MARCHF3: variants seen among roughly 807,000 people sequenced by gnomAD.
MARCHF3 encodes E3 ubiquitin-protein ligase MARCHF3.
MARCHF3 carries 13 observed loss-of-function variants against 24.2 expected under a neutral mutation model. The ratio of observed to expected loss-of-function variants is 0.54; its 90% CI spans 0.35 to 0.85. The LOEUF (loss-of-function observed/expected upper bound fraction) is 0.85. MARCHF3 is among the 40% of genes least tolerant of loss of function. MARCHF3 has a pLI of 0.01. For synonymous variants in MARCHF3, 144 were observed against 137.3 expected, an observed-to-expected ratio of 1.05 and a Z score of -0.34; for missense variants, 276 against 325.0, an observed-to-expected ratio of 0.85 and a Z score of 1.16.
intron 3 of MARCHF3, among the ~76,000 whole-genome samples, chr5:126,895,533 C>T (rs1753853369): frequency 6.6e-6 from 1 of 152,222 alleles, no homozygotes; most frequent in Middle Eastern, 3.4e-3. Context: ...TTCTGACAGA[C>T]AGGACCCTCA....
intron 1 of MARCHF3, among the ~76,000 whole-genome samples, chr5:126,968,742 T>C (rs905765977): frequency 2.6e-5 from 4 of 152,118 alleles, no homozygotes; most frequent in African/African-American, 9.7e-5. Flanking sequence ...GCCCAGCTAA[T>C]TTTTGTATTT....
chr5:126,998,850 T>C (rs140691375), intron 1 of MARCHF3, among the ~76,000 whole-genome samples: 1 of 152,240 alleles, frequency 6.6e-6, no homozygotes, highest in Admixed American at 6.5e-5. Context: ...AAAGCTCCAA[T>C]ATGTCTGTGG....
At chr5:127,008,311 C>G (rs1204266730) in intron 1 of MARCHF3, among the ~76,000 whole-genome samples, 2 of 152,072 alleles carry the variant, frequency 1.3e-5, no homozygotes, top group African/African-American at 4.8e-5. Flanking sequence ...CTGGATAATC[C>G]CCAAATTCAT....
intron 1 of MARCHF3, among the ~76,000 whole-genome samples, chr5:126,962,430 G>A (rs568802438): frequency 6.6e-6 from 1 of 151,944 alleles, no homozygotes; most frequent in South Asian, 2.1e-4. Flanking sequence ...GTGTGTGTAT[G>A]TGTGTGTGTT....
intron 1 of MARCHF3, among the ~76,000 whole-genome samples, chr5:126,976,918 T>G (rs1280527955): frequency 6.6e-6 from 1 of 152,246 alleles, no homozygotes; most frequent in Non-Finnish European, 1.5e-5. Context: ...GTTTGCTTCT[T>G]GGTCCCATCC....
chr5:126,951,640 C>T (rs1561443417), intron 1 of MARCHF3, among the ~76,000 whole-genome samples: 1 of 152,186 alleles, frequency 6.6e-6, no homozygotes, highest in African/African-American at 2.4e-5. Flanking sequence ...TGTACCCACG[C>T]TCAAATCATT....
At chr5:126,890,444 C>A in intron 3 of MARCHF3, among the ~76,000 whole-genome samples, 1 of 125,430 alleles carries the variant, frequency 8.0e-6, no homozygotes, top group East Asian at 2.8e-4. Flanking sequence ...CCCCTCCCCC[C>A]ACCCCACAAC....
At chr5:127,008,867 T>C (rs2126855880) in intron 1 of MARCHF3, among the ~76,000 whole-genome samples, 1 of 149,336 alleles carries the variant, frequency 6.7e-6, no homozygotes, top group Middle Eastern at 3.5e-3. Flanking sequence ...CAGGAGACGT[T>C]ATCTCTTTAA....
At chr5:126,949,726 G>T (rs375428787) in intron 1 of MARCHF3, among the ~76,000 whole-genome samples, 1 of 152,196 alleles carries the variant, frequency 6.6e-6, no homozygotes, top group Non-Finnish European at 1.5e-5. Flanking sequence ...GATGTTGCTA[G>T]GGAGTTGGGA....
At chr5:126,953,904 C>G (rs546159695) in intron 1 of MARCHF3, among the ~76,000 whole-genome samples, 8 of 152,106 alleles carry the variant, frequency 5.3e-5, no homozygotes, top group Admixed American at 5.2e-4. Flanking sequence ...TTTATCTTTT[C>G]GTTCAATGGT....
intron 1 of MARCHF3, among the ~76,000 whole-genome samples, chr5:126,974,844 T>G (rs1024210682): frequency 4.6e-5 from 7 of 152,264 alleles, no homozygotes; most frequent in African/African-American, 1.7e-4. Context: ...ATTTTATCTG[T>G]GACTTAAAAG....
chr5:126,964,933 AT>A (rs1447482059), intron 1 of MARCHF3, among the ~76,000 whole-genome samples: 6 of 151,852 alleles, frequency 4.0e-5, no homozygotes, highest in Non-Finnish European at 8.8e-5. Context: ...GGAGGAGGGA[AT>A]AACTTTGAGA....
intron 1 of MARCHF3, among the ~76,000 whole-genome samples, chr5:126,964,407 C>A (rs1303944799): frequency 6.6e-6 from 1 of 152,198 alleles, no homozygotes; most frequent in East Asian, 1.9e-4. Flanking sequence ...TGACAGACTT[C>A]AATTTCTCCA....
At chr5:126,910,891 C>T (rs545073822) in intron 3 of MARCHF3, among the ~76,000 whole-genome samples, 3 of 152,312 alleles carry the variant, frequency 2.0e-5, no homozygotes, top group East Asian at 1.9e-4. Flanking sequence ...GGAGAAATAT[C>T]GCTGAATTCT....
Position 126,878,260 on chromosome 5 carries a change from A to C in MARCHF3, c.528T>G (p.Phe176Leu). ...CLRGAVDHLH[F>L]SSRLEAVGLI... Reference sequence around the variant, plus strand: ...GTCCGACGGCTTCCAGCCGACTACTAAAGTGCAGGTGGTCCACGGCGCCCC... The same window carrying C: ...GTCCGACGGCTTCCAGCCGACTACTCAAGTGCAGGTGGTCCACGGCGCCCC... The change falls in exon 4 of 5, where the codon TTT becomes TTG. Residue 176 changes from phenylalanine to leucine, a missense_variant. By Grantham distance (22) the Phe-to-Leu change is conservative. Transcript: ENST00000308660. 6.2e-7 allele frequency: 1 copy of C among 1,614,256 alleles called. No homozygotes were observed. Among genetic ancestry groups the C allele is most frequent in the African/African-American group, 1.3e-5 (1 of 75,072 alleles).
chr5:127,017,404 T>C (rs1752669205), intron 1 of MARCHF3, among the ~76,000 whole-genome samples: 1 of 152,226 alleles, frequency 6.6e-6, no homozygotes, highest in Non-Finnish European at 1.5e-5. Context: ...AACTTCCCTC[T>C]TGTACAGATG....
At chr5:126,997,098 A>T (rs1449959319) in intron 1 of MARCHF3, among the ~76,000 whole-genome samples, 1 of 152,230 alleles carries the variant, frequency 6.6e-6, no homozygotes, top group Admixed American at 6.5e-5. Flanking sequence ...CCCAGGGCTG[A>T]CCTGAAATTT....
rs1055876300 is a variant in MARCHF3 at position 126,870,268 on chromosome 5, T to C, written c.*365A>G. On this transcript the variant is annotated 3_prime_UTR_variant, in exon 5 of 5. Transcript: ENST00000308660. ...TTTTGATTATCATCTAAGTTTAATA[T>C]ATATATATATGTGTGTGTGTTTGAA... 1 of 154,208 alleles carries C rather than the reference T, an allele frequency of 6.5e-6. No homozygotes were observed. Among genetic ancestry groups the C allele is most frequent in the East Asian group, 1.9e-4 (1 of 5,272 alleles). 9.6% of individuals were successfully genotyped at this position (154,208 alleles called of 1,614,324 possible).
At chr5:126,887,250 T>C (rs551136472) in intron 3 of MARCHF3, among the ~76,000 whole-genome samples, 184 of 151,558 alleles carry the variant, frequency 1.2e-3, no homozygotes, top group African/African-American at 4.3e-3. Flanking sequence ...TGATTTTGAA[T>C]GGGAAAAAAA....
Sources: gnomAD v4.1 joint callset for allele counts (sites outside exome capture counted in the v4.1 genomes callset) on GRCh38, gnomAD v4.1.1 for gene constraint, MANE v1.5 for transcripts, NCBI Gene and HGNC (gene_info 2026-07-23, HGNC 2026-07-21) for gene names.